RDH13: variants seen among roughly 807,000 people sequenced by gnomAD.
RDH13 encodes retinol dehydrogenase 13 (all-trans and 9-cis).
RDH13 carries 35 observed loss-of-function variants against 28.3 expected under a neutral mutation model. That is an observed-to-expected ratio of 1.24 (90% CI 0.95 to 1.64). The LOEUF (loss-of-function observed/expected upper bound fraction) is 1.64, where lower values mean the gene tolerates loss of function less well. RDH13 is among the 40% of genes most tolerant of loss of function. The pLI is 0.00. For synonymous variants in RDH13, 229 were observed against 198.5 expected, an observed-to-expected ratio of 1.15 and a Z score of -1.29; for missense variants, 514 against 446.3, an observed-to-expected ratio of 1.15 and a Z score of -1.37.
At position 55,045,165 on chromosome 19, in the gene RDH13, TCCTCAG is replaced by T. The variant is rs757820386; in HGVS notation, c.899_904del (p.Ala300_Glu301del). 5 of 1,613,680 alleles carry T rather than the reference TCCTCAG, an allele frequency of 3.1e-6. No homozygotes were observed. The highest frequency in any genetic ancestry group is 3.4e-6 in the Non-Finnish European group (4 of 1,180,008). ...CCAAAGCCTCCGGGCCACCTCCTCA[TCCTCAG>T]CCTCGGGGGCCGGGGCCTTCTGTTT... On this transcript the variant is annotated inframe_deletion, in exon 7 of 7. Coordinates refer to ENST00000415061, the MANE Select transcript of RDH13 (RefSeq NM_001145971.2).
At chr19:55,060,101 G>A (rs1568730571) in intron 1 of RDH13, among the ~76,000 whole-genome samples, 2 of 151,384 alleles carry the variant, frequency 1.3e-5, no homozygotes, top group African/African-American at 4.9e-5. Context: ...AGACCTGACC[G>A]TCCCCCAGCC....
downstream of RDH13, chr19:55,043,351 C>T (rs118024102): frequency 9.7e-3 from 1,475 of 152,246 alleles, 18 homozygotes; most frequent in Non-Finnish European, 0.015. Flanking sequence ...GACGGCACTG[C>T]ACTCCAGCCT....
At chr19:55,060,045 T>C (rs1237988884) in intron 1 of RDH13, among the ~76,000 whole-genome samples, 2 of 152,054 alleles carry the variant, frequency 1.3e-5, no homozygotes, top group South Asian at 2.1e-4. Context: ...TTGTCCAAGG[T>C]TTCTCCCCGT....
rs1026983147 is a variant in RDH13, at chr19:55,063,126, C to A, written c.-94G>T. 4 of 1,156,674 alleles carry A rather than the reference C, an allele frequency of 3.5e-6. No homozygotes were observed. The South Asian group carries it at 8.0e-5, about 23-fold the overall frequency. The allele number at this position is 1,156,674 out of a possible 1,614,324, so 71.7% of individuals were successfully genotyped here. A position where few individuals can be genotyped will look rare whatever the true frequency, so the allele number is the denominator to read the frequency against. On this transcript the variant is annotated 5_prime_UTR_variant, in exon 1 of 7. Transcript: ENST00000415061. ...TAGCTCCGAGGAAGAGCGCGCGACG[C>A]AGCCACAGGCGAGCGGAGGCGCAGG...
At chr19:55,066,651 CTCTT>C (rs200466091), upstream of RDH13, among the ~76,000 whole-genome samples, 310 of 128,254 alleles carry the variant, frequency 2.4e-3, 3 homozygotes, top group African/African-American at 7.5e-3. Flanking sequence ...CTCCCTCTTT[CTCTT>C]TCTCTCTCTC....
chr19:55,047,259 A>G (rs1298166759), intron 6 of RDH13, 128 bp downstream of exon 6: 10 of 1,458,058 alleles, frequency 6.9e-6, no homozygotes, highest in Non-Finnish European at 9.0e-6. Flanking sequence ...TCTGTGCCTC[A>G]GAAGACGTAG....
downstream of RDH13, chr19:55,040,252 A>G (rs1654437): frequency 0.47 from 71,448 of 152,578 alleles, 17,142 homozygotes; most frequent in East Asian, 0.59. Context: ...TCCGCCTCCC[A>G]GGTTCAAGCG....
intron 5 of RDH13, 40 bp downstream of exon 5, chr19:55,048,289 G>C: frequency 6.2e-7 from 1 of 1,612,062 alleles, no homozygotes; most frequent in Non-Finnish European, 8.5e-7. Flanking sequence ...TCTAGGCTCA[G>C]AGTAAAGCAA....
intron 5 of RDH13, 181 bp downstream of exon 5, chr19:55,048,148 G>T (rs1233737012): frequency 6.5e-7 from 1 of 1,533,994 alleles, no homozygotes; most frequent in Non-Finnish European, 8.7e-7. Flanking sequence ...ATCCTCAGAA[G>T]AACGATCGAT....
chr19:55,058,822 AG>A (rs1166897867), intron 2 of RDH13, among the ~76,000 whole-genome samples: 1 of 152,172 alleles, frequency 6.6e-6, no homozygotes, highest in Non-Finnish European at 1.5e-5. Context: ...CTGGGACTAC[AG>A]GTGCCCACCA....
upstream of RDH13, chr19:55,063,176 TG>T (rs2075867096): frequency 2.9e-6 from 2 of 678,770 alleles, no homozygotes. Flanking sequence ...CGTCCGGAAC[TG>T]GGCTGCGAGG....
chr19:55,052,407 G>A (rs1184868263), intron 3 of RDH13, among the ~76,000 whole-genome samples: 1 of 151,656 alleles, frequency 6.6e-6, no homozygotes, highest in Non-Finnish European at 1.5e-5. Flanking sequence ...AGCCGGGCGT[G>A]GTGGCGCATG....
At position 55,051,296 on chromosome 19, in the gene RDH13, G is replaced by A. The variant is rs576719782; in HGVS notation, c.341-2533C>T. Among the ~76,000 whole-genome samples, 268 of 152,350 alleles carry A rather than the reference G, an allele frequency of 1.8e-3. 2 individuals are homozygous for A. Among genetic ancestry groups the A allele is most frequent in the African/African-American group, 6.1e-3 (253 of 41,592 alleles). On this transcript the variant is annotated intron_variant, in intron 3 of 6. Transcript: ENST00000415061. ...GGAAAATGAGGCAGGGCCCACGTGC[G>A]GAGACCCAGGGAAGGGGGATGCAGG...
chr19:55,057,183 T>C (rs1457145621), intron 2 of RDH13, among the ~76,000 whole-genome samples: 3 of 152,006 alleles, frequency 2.0e-5, no homozygotes, highest in African/African-American at 7.2e-5. Context: ...ACGCCCAGAA[T>C]AGGCAAATCC....
upstream of RDH13, chr19:55,063,981 G>A (rs951720491): frequency 1.3e-5 from 2 of 152,164 alleles, no homozygotes; most frequent in Non-Finnish European, 2.9e-5. Context: ...TGTGCCTGAG[G>A]TGCCAGGAGC....
chr19:55,061,764 G>A (rs918526557), intron 1 of RDH13, among the ~76,000 whole-genome samples: 8 of 150,106 alleles, frequency 5.3e-5, no homozygotes, highest in African/African-American at 2.0e-4. Flanking sequence ...CTGCACTCCA[G>A]CCTGGGTGAC....
chr19:55,056,158 A>G (rs528787335), intron 3 of RDH13, among the ~76,000 whole-genome samples: 2 of 152,050 alleles, frequency 1.3e-5, no homozygotes, highest in African/African-American at 4.8e-5. Flanking sequence ...CATCTGTCTC[A>G]AAACAAACAA....
At chr19:55,050,808 G>GGATCGTGAA (rs2075403216) in intron 3 of RDH13, 2 of 151,936 alleles carry the variant, frequency 1.3e-5, no homozygotes, top group South Asian at 4.2e-4. Flanking sequence ...TTTTCGGCGG[G>GGATCGTGAA]GATCGTGAAT....
chr19:55,065,907 G>A (rs995237702), upstream of RDH13, among the ~76,000 whole-genome samples: 5 of 152,064 alleles, frequency 3.3e-5, no homozygotes, highest in Non-Finnish European at 7.4e-5. Flanking sequence ...TAGTAGAGAC[G>A]GGGTTTCACC....
Sources: allele counts gnomAD v4.1 joint callset (sites outside exome capture counted in the v4.1 genomes callset), GRCh38; gene constraint gnomAD v4.1.1; transcripts MANE v1.5; gene names NCBI Gene and HGNC (gene_info 2026-07-23, HGNC 2026-07-21).